Variants in LRBA observed in about 807,000 individuals in gnomAD.
The protein encoded by LRBA is LPS responsive beige-like anchor protein, also known as lipopolysaccharide-responsive and beige-like anchor protein.
In LRBA, 176 loss-of-function variants were observed where a neutral mutation model predicts 330.0. The observed-to-expected ratio is 0.53, with a 90% CI of 0.47 to 0.60. The LOEUF is 0.60. Among genes scored for constraint, LRBA ranks in the 20% least tolerant of loss-of-function variants. The pLI is 0.00. For synonymous variants in LRBA, 1,230 were observed against 1,193.0 expected (o/e 1.03, Z -0.64); for missense variants, 3,259 against 3,444.8 (o/e 0.95, Z 1.35).
At chr4:151,011,915 C>T (rs1319663655) in intron 2 of LRBA, among the ~76,000 whole-genome samples, 1 of 151,916 alleles carries the variant, frequency 6.6e-6, no homozygotes, top group Non-Finnish European at 1.5e-5. Flanking sequence ...AACTCTTGGC[C>T]TCAAGTGAAC....
intron 5 of LRBA, among the ~76,000 whole-genome samples, chr4:150,917,893 C>CA (rs1161665066): frequency 2.6e-5 from 4 of 151,860 alleles, no homozygotes; most frequent in Non-Finnish European, 4.4e-5. Flanking sequence ...CATGCCATTG[C>CA]ACTCCAGCCA....
chr4:150,268,132 A>G (rs1745605570), intron 56 of LRBA, among the ~76,000 whole-genome samples: 1 of 152,132 alleles, frequency 6.6e-6, no homozygotes, highest in Non-Finnish European at 1.5e-5. Flanking sequence ...TTTGGCAGAA[A>G]CTGAGTTCAG....
intron 37 of LRBA, among the ~76,000 whole-genome samples, chr4:150,622,494 G>A (rs907514839): frequency 3.9e-5 from 6 of 152,056 alleles, no homozygotes; most frequent in African/African-American, 1.5e-4. Flanking sequence ...CTACAATTGT[G>A]CCACTGCACA....
At chr4:150,345,041 T>C (rs1252348570) in intron 48 of LRBA, among the ~76,000 whole-genome samples, 10 of 152,230 alleles carry the variant, frequency 6.6e-5, no homozygotes, top group Admixed American at 6.5e-4. Context: ...CCCAATGATC[T>C]TATTCATCCT....
chr4:150,906,720 T>C (rs1193785126), intron 11 of LRBA, among the ~76,000 whole-genome samples: 1 of 152,084 alleles, frequency 6.6e-6, no homozygotes, highest in Non-Finnish European at 1.5e-5. Context: ...AAATACTTAT[T>C]AAAAATACAC....
intron 44 of LRBA, among the ~76,000 whole-genome samples, chr4:150,442,723 G>A (rs958418682): frequency 6.6e-6 from 1 of 152,154 alleles, no homozygotes; most frequent in African/African-American, 2.4e-5. Flanking sequence ...CAAGATGGCT[G>A]AACTCAATGT....
Position 150,781,736 on chromosome 4 carries a change from T to C in LRBA, c.5580+16345A>G, listed in dbSNP as rs1403747695. 2.6e-5 allele frequency among the ~76,000 whole-genome samples: 4 copies of C among 152,304 alleles called. No individual in the cohort carries two copies. In the East Asian group the frequency reaches 7.7e-4, roughly 29 times the overall value. Reference sequence around the variant, plus strand: ...TTTATTCCTATTAATTTCACCTCCATTAGAAATCAATACAATATTAATTTA... The same window carrying C: ...TTTATTCCTATTAATTTCACCTCCACTAGAAATCAATACAATATTAATTTA... On this transcript the variant is annotated intron_variant, in intron 34 of 56. Transcript: ENST00000651943.
intron 47 of LRBA, among the ~76,000 whole-genome samples, chr4:150,364,360 C>G (rs571255897): frequency 1.3e-5 from 2 of 152,322 alleles, no homozygotes; most frequent in Non-Finnish European, 2.9e-5. Flanking sequence ...CCTATAAGCA[C>G]CACATTTTTA....
intron 2 of LRBA, among the ~76,000 whole-genome samples, chr4:150,998,179 C>T (rs2149643552): frequency 6.6e-6 from 1 of 151,746 alleles, no homozygotes; most frequent in African/African-American, 2.4e-5. Flanking sequence ...TGGAGAAACC[C>T]CGTCTCTACT....
At chr4:150,769,336 A>G (rs1263225927) in intron 34 of LRBA, among the ~76,000 whole-genome samples, 3 of 152,070 alleles carry the variant, frequency 2.0e-5, no homozygotes, top group Non-Finnish European at 4.4e-5. Context: ...AGAGACACAG[A>G]CAGAGAGACA....
chr4:150,397,076 C>T (rs140449707), intron 47 of LRBA, among the ~76,000 whole-genome samples: 2,365 of 152,188 alleles, frequency 0.016, 133 homozygotes, highest in Admixed American at 0.058. Context: ...AGGTGTATGT[C>T]CTTGTAATGT....
intron 35 of LRBA, among the ~76,000 whole-genome samples, chr4:150,755,029 G>C (rs977254986): frequency 2.0e-5 from 3 of 152,160 alleles, no homozygotes; most frequent in Non-Finnish European, 4.4e-5. Context: ...ATGGCCAACA[G>C]GGTCCAAATG....
intron 50 of LRBA, among the ~76,000 whole-genome samples, chr4:150,320,627 C>T (rs144217139): frequency 4.0e-5 from 6 of 151,650 alleles, no homozygotes; most frequent in South Asian, 4.2e-4. Flanking sequence ...GGCAACATAG[C>T]GAGCCCATCT....
chr4:150,618,538 G>A (rs1775986906), intron 37 of LRBA, among the ~76,000 whole-genome samples: 2 of 152,150 alleles, frequency 1.3e-5, no homozygotes, highest in Admixed American at 1.3e-4. Flanking sequence ...TGGAAACCTG[G>A]AATAGTTTTT....
At chr4:150,690,104 A>C (rs1206262066) in intron 36 of LRBA, among the ~76,000 whole-genome samples, 1 of 152,144 alleles carries the variant, frequency 6.6e-6, no homozygotes, top group Non-Finnish European at 1.5e-5. Flanking sequence ...TTATAGATTT[A>C]AAGATTCAAC....
chr4:150,489,287 A>AATACATAATATATTACATATAC (rs1561250553), intron 41 of LRBA, among the ~76,000 whole-genome samples: 1 of 57,164 alleles, frequency 1.7e-5, no homozygotes, highest in Non-Finnish European at 2.9e-5. Context: ...ATTATATATA[A>AATACATAATATATTACATATAC]GAATATATAA....
At chr4:150,375,405 C>T (rs1379648607) in intron 47 of LRBA, among the ~76,000 whole-genome samples, 1 of 152,024 alleles carries the variant, frequency 6.6e-6, no homozygotes, top group Non-Finnish European at 1.5e-5. Flanking sequence ...TACTTTTGAC[C>T]ACGCTGAAGC....
rs533810917 is a variant in LRBA, at chr4:150,435,238, C to G, written c.7041+351G>C. Among the ~76,000 whole-genome samples, 11 of 152,192 alleles carry G rather than the reference C, an allele frequency of 7.2e-5. No homozygotes were observed. In the East Asian group the frequency reaches 2.1e-3, roughly 29 times the overall value. On this transcript the variant is annotated intron_variant, in intron 46 of 56. Transcript: ENST00000651943. ...TTGTGGCAGATGCCTGTAATCCCAG[C>G]TACTTGGGAGGCTGAGGCAGAAGAA...
chr4:150,531,437 A>G (rs1035675706), intron 40 of LRBA, among the ~76,000 whole-genome samples: 1 of 152,022 alleles, frequency 6.6e-6, no homozygotes, highest in Non-Finnish European at 1.5e-5. Flanking sequence ...CTTCATTCAG[A>G]TCTCTTTTAT....
Sources: allele counts gnomAD v4.1 joint callset (sites outside exome capture counted in the v4.1 genomes callset), GRCh38; gene constraint gnomAD v4.1.1; transcripts MANE v1.5; gene names NCBI Gene and HGNC (gene_info 2026-07-23, HGNC 2026-07-21).